Variants in CCDC73 observed in about 807,000 individuals in gnomAD.
CCDC73 encodes coiled-coil domain containing 73.
CCDC73 carries 95 observed loss-of-function variants against 116.5 expected under a neutral mutation model. The observed-to-expected ratio is 0.82, with a 90% CI of 0.69 to 0.97. The LOEUF (loss-of-function observed/expected upper bound fraction) is 0.97. Ranked by LOEUF, CCDC73 falls within the 50% of genes least tolerant of loss-of-function variation. CCDC73 has a pLI of 0.00. For missense variants in CCDC73, 1,066 were observed against 1,206.8 expected (o/e 0.88, Z 1.73); for synonymous variants, 398 against 401.3 (o/e 0.99, Z 0.10).
At chr11:32,786,265 T>C (rs891880499) in intron 1 of CCDC73, among the ~76,000 whole-genome samples, 2 of 150,654 alleles carry the variant, frequency 1.3e-5, no homozygotes, top group African/African-American at 4.9e-5. Flanking sequence ...TGGCATAAAA[T>C]AGTTACTAAT....
intron 6 of CCDC73, among the ~76,000 whole-genome samples, chr11:32,688,301 A>T (rs1856224026): frequency 6.6e-6 from 1 of 152,206 alleles, no homozygotes. Flanking sequence ...CATAAACTGA[A>T]TCTAACCATG....
chr11:32,617,112 G>A (rs979264575), intron 14 of CCDC73, among the ~76,000 whole-genome samples: 6 of 152,164 alleles, frequency 3.9e-5, no homozygotes, highest in African/African-American at 1.4e-4. Flanking sequence ...TTACATGTAG[G>A]GAGAAGAATG....
intron 1 of CCDC73, among the ~76,000 whole-genome samples, chr11:32,774,754 T>C (rs1055499042): frequency 9.2e-5 from 14 of 152,206 alleles, no homozygotes; most frequent in Admixed American, 9.2e-4. Context: ...TCTTATAATT[T>C]CATAGAGCAG....
At chr11:32,776,023 G>A (rs748248968) in intron 1 of CCDC73, among the ~76,000 whole-genome samples, 1 of 152,012 alleles carries the variant, frequency 6.6e-6, no homozygotes, top group Non-Finnish European at 1.5e-5. Context: ...CAAAATCTTT[G>A]ACATCTTTCT....
intron 1 of CCDC73, among the ~76,000 whole-genome samples, chr11:32,791,773 C>T (rs1279417838): frequency 1.3e-5 from 2 of 152,190 alleles, no homozygotes; most frequent in Non-Finnish European, 2.9e-5. Context: ...CCAGACTCAG[C>T]AACATGGTGA....
chr11:32,687,476 C>T (rs114058828), intron 6 of CCDC73, among the ~76,000 whole-genome samples: 6 of 151,996 alleles, frequency 3.9e-5, no homozygotes, highest in African/African-American at 9.6e-5. Flanking sequence ...AATAAGTCAA[C>T]GTCTTAGTGA....
At chr11:32,751,962 G>T (rs1850290769) in intron 2 of CCDC73, among the ~76,000 whole-genome samples, 1 of 152,208 alleles carries the variant, frequency 6.6e-6, no homozygotes. Context: ...CTATGGATAA[G>T]GTCATTCATG....
chr11:32,665,027 TTGTTA>T (rs1271307713), intron 9 of CCDC73, among the ~76,000 whole-genome samples: 3 of 152,212 alleles, frequency 2.0e-5, no homozygotes, highest in Non-Finnish European at 4.4e-5. Context: ...GAGAGACAGT[TTGTTA>T]TAATTTCTGT....
chr11:32,768,981 G>A (rs114765265), intron 1 of CCDC73, among the ~76,000 whole-genome samples: 1,613 of 152,264 alleles, frequency 0.011, 31 homozygotes, highest in African/African-American at 0.037. Flanking sequence ...AGCTTCATTA[G>A]TAATCAAGGA....
rs1471866603 is a variant in CCDC73, at chr11:32,614,194, G to A, written c.2124C>T (p.His708=). 1.2e-6 allele frequency: 2 copies of A among 1,613,858 alleles called. No individual in the cohort carries two copies. Among genetic ancestry groups the A allele is most frequent in the East Asian group, 2.2e-5 (1 of 44,830 alleles). The change falls in exon 16 of 18, where the codon CAC becomes CAT. Residue 708 remains histidine, a synonymous_variant. Coordinates refer to ENST00000335185, the MANE Select transcript of CCDC73 (RefSeq NM_001008391.4). ...CACTAAAAGCAGCATATGAAACATGGTGGTCGATTACTATATCACAGGGAA... is the reference window on the plus strand; with the variant it reads ...CACTAAAAGCAGCATATGAAACATGATGGTCGATTACTATATCACAGGGAA... ...LTVPCDIVID[H]HVSYAAFSAN...
intron 3 of CCDC73, among the ~76,000 whole-genome samples, chr11:32,715,033 A>G (rs767334661): frequency 2.0e-4 from 31 of 152,084 alleles, no homozygotes; most frequent in South Asian, 1.0e-3. Context: ...GGCTCTTTAC[A>G]AAAAAAGCTT....
At chr11:32,793,542 A>T (rs2133410131) in intron 1 of CCDC73, among the ~76,000 whole-genome samples, 1 of 152,332 alleles carries the variant, frequency 6.6e-6, no homozygotes, top group Middle Eastern at 3.4e-3. Flanking sequence ...AAATGACTTA[A>T]GGGTTGTCAC....
chr11:32,755,681 C>A (rs1216264846), intron 2 of CCDC73, among the ~76,000 whole-genome samples: 4 of 44,290 alleles, frequency 9.0e-5, no homozygotes, highest in Admixed American at 3.3e-4. Context: ...ATATATATAT[C>A]TCCATATATA....
At chr11:32,795,690 AT>A (rs541212653), upstream of CCDC73, among the ~76,000 whole-genome samples, 19,117 of 142,196 alleles carry the variant, frequency 0.13, 1,184 homozygotes, top group Middle Eastern at 0.18. Flanking sequence ...CTGCCCTCAA[AT>A]TTTTTTTTTT....
At chr11:32,815,817 A>G in the CCDC73 span, among the ~76,000 whole-genome samples, 30,865 of 152,132 alleles carry the variant, frequency 0.2, 3,471 homozygotes, top group East Asian at 0.55. Context: ...GAAACCACAT[A>G]GACTTACCAA....
chr11:32,642,191 G>C lies in CCDC73; in HGVS notation c.940-109C>G, dbSNP rs576518176. The C allele has an allele frequency of 1.5e-5, 18 of 1,193,536 alleles. No homozygotes were observed. In the South Asian group the frequency reaches 5.8e-4, roughly 39 times the overall value. The allele number at this position is 1,193,536 out of a possible 1,614,324, so 73.9% of individuals were successfully genotyped here. A position where few individuals can be genotyped will look rare whatever the true frequency, so the allele number is the denominator to read the frequency against. ...TCTAACATGCTGAAAGTGCCATACA[G>C]ATCAGTGATAATGTGCTATCTCAAC... is the stretch of plus-strand genomic sequence containing the variant. On this transcript the variant is annotated intron_variant, in intron 12 of 17. Coordinates refer to ENST00000335185, the MANE Select transcript of CCDC73 (RefSeq NM_001008391.4).
At position 32,733,939 on chromosome 11, in the gene CCDC73, TAGAG is replaced by T. The variant is rs548712053; in HGVS notation, c.136-15796_136-15793del. On this transcript the variant is annotated intron_variant, in intron 2 of 17. Transcript: ENST00000335185. ...AAGATCAGAGCAGAACTGAAGTAGA[TAGAG>T]ACACAAAAAAACTCTTCAAAAAAAT... Among the ~76,000 whole-genome samples the T allele has an allele frequency of 4.7e-3, 709 of 152,154 alleles. 3 individuals carry two copies. The highest frequency in any genetic ancestry group is 0.016 in the African/African-American group (672 of 41,520).
intron 6 of CCDC73, among the ~76,000 whole-genome samples, chr11:32,690,598 C>T (rs1213487729): frequency 3.3e-5 from 5 of 152,164 alleles, no homozygotes; most frequent in African/African-American, 1.2e-4. Flanking sequence ...CTCATGAGAT[C>T]TGGTTGTTTA....
intron 2 of CCDC73, among the ~76,000 whole-genome samples, chr11:32,753,240 T>C (rs893697294): frequency 6.6e-6 from 1 of 152,116 alleles, no homozygotes; most frequent in Non-Finnish European, 1.5e-5. Context: ...TTGTTTCTTA[T>C]GTTTTCTAGT....
Sources: allele counts gnomAD v4.1 joint callset (sites outside exome capture counted in the v4.1 genomes callset), GRCh38; gene constraint gnomAD v4.1.1; transcripts MANE v1.5; gene names NCBI Gene and HGNC (gene_info 2026-07-23, HGNC 2026-07-21).